Variants in PAXBP1 observed in about 807,000 individuals in gnomAD.
The protein encoded by PAXBP1 is PAX3 and PAX7 binding protein 1, also known as PAX3- and PAX7-binding protein 1.
PAXBP1 carries 44 observed loss-of-function variants against 119.9 expected under a neutral mutation model. The ratio of observed to expected loss-of-function variants is 0.37; its 90% CI spans 0.29 to 0.47. The LOEUF is 0.47. Among genes scored for constraint, PAXBP1 ranks in the 20% least tolerant of loss-of-function variants. The probability of loss-of-function intolerance (pLI) is 0.99; values close to 1 mark genes in which losing one functional copy is unlikely to be tolerated. For missense variants in PAXBP1, 898 were observed against 1,134.1 expected, an observed-to-expected ratio of 0.79 and a Z score of 2.99; for synonymous variants, 393 against 406.6, an observed-to-expected ratio of 0.97 and a Z score of 0.40.
intron 15 of PAXBP1, among the ~76,000 whole-genome samples, chr21:32,738,550 G>A (rs1054968250): frequency 1.3e-5 from 2 of 152,076 alleles, no homozygotes; most frequent in Non-Finnish European, 2.9e-5. Context: ...CTACAGCACT[G>A]GTCAGCACAG....
chr21:32,759,541 T>G, intron 6 of PAXBP1: 1 of 603,246 alleles, frequency 1.7e-6, no homozygotes, highest in Non-Finnish European at 2.9e-6. Context: ...AGGTACAAAC[T>G]CAGAAATGTC....
Position 32,748,523 on chromosome 21 carries a change from C to G in PAXBP1, c.1899G>C (p.Gln633His), listed in dbSNP as rs770705034. Residue 633 changes from glutamine to histidine, a missense_variant, in exon 11 of 18, where the codon CAG (glutamine) becomes CAC (histidine). Physicochemically the swap from Gln to His is conservative, Grantham distance 24. Coordinates refer to ENST00000331923, the MANE Select transcript of PAXBP1 (RefSeq NM_016631.4). ...CCTCAAGAGGAGTCCAAGTGAGGAG[C>G]TGAAGTCGTATGAGGGGGTTGAATA... is the stretch of plus-strand genomic sequence containing the variant. Reference protein sequence around the residue: ...PKLFNPLIRLQLLTWTPLEAK... With the variant: ...PKLFNPLIRLHLLTWTPLEAK... 4.2e-5 allele frequency: 67 copies of G among 1,613,726 alleles called. No homozygotes were observed. Among genetic ancestry groups the G allele is most frequent in the Non-Finnish European group, 4.5e-5 (53 of 1,179,858 alleles).
intron 2 of PAXBP1, among the ~76,000 whole-genome samples, chr21:32,769,270 G>A (rs1413322472): frequency 6.6e-6 from 1 of 151,960 alleles, no homozygotes; most frequent in Non-Finnish European, 1.5e-5. Context: ...TTAAACTGAG[G>A]TTTTGAGAGA....
rs1434561975 is a variant in PAXBP1 at position 32,737,411 on chromosome 21, G to A, written c.2482-3C>T. 1.3e-6 allele frequency: 2 copies of A among 1,592,336 alleles called. No homozygotes were observed. Among genetic ancestry groups the A allele is most frequent in the African/African-American group, 2.7e-5 (2 of 73,488 alleles). ...TGTTTGGGGAAACAATTGATTACCT[G>A]TGGAGAAGAAAGACGTAAAATAAAA... On this transcript the variant is annotated splice_polypyrimidine_tract_variant and splice_region_variant and intron_variant, in intron 16 of 17. Coordinates refer to ENST00000331923, the MANE Select transcript of PAXBP1 (RefSeq NM_016631.4).
chr21:32,757,202 TTATAG>T (rs897714547), intron 7 of PAXBP1, among the ~76,000 whole-genome samples: 4 of 152,180 alleles, frequency 2.6e-5, no homozygotes, highest in African/African-American at 9.6e-5. Context: ...TGAAATATTA[TTATAG>T]TATAATTATT....
intron 4 of PAXBP1, 63 bp downstream of exon 4, chr21:32,762,033 C>A: frequency 1.3e-6 from 2 of 1,552,620 alleles, no homozygotes; most frequent in South Asian, 1.1e-5. Context: ...GAATGACACC[C>A]TGCCTTAAAA....
intron 16 of PAXBP1, 77 bp downstream of exon 16, chr21:32,738,096 A>T: frequency 7.2e-7 from 1 of 1,381,736 alleles, no homozygotes. Flanking sequence ...AAATTCTCAA[A>T]TCCCTCTTCA....
intron 13 of PAXBP1, 73 bp downstream of exon 13, chr21:32,744,719 C>T (rs2043846770): frequency 2.1e-6 from 3 of 1,418,078 alleles, no homozygotes; most frequent in Non-Finnish European, 2.8e-6. Context: ...GATAACCACT[C>T]ATTCTCTCAA....
intron 2 of PAXBP1, among the ~76,000 whole-genome samples, chr21:32,765,929 G>GT (rs1395315554): frequency 1.3e-5 from 2 of 152,254 alleles, no homozygotes; most frequent in East Asian, 3.9e-4. Context: ...GAGATCAGGA[G>GT]TTCAAGACCA....
Position 32,759,235 on chromosome 21 carries a change from G to T in PAXBP1, c.1228C>A (p.Arg410=). ...DSMKELHKTN[R]QQHEKHLQSR... ...TGCAGATGTTTCTCATGCTGCTGTC[G>T]ATTTGTTTTGTGCAATTCTTTCATG... Residue 410 remains arginine (R), a synonymous_variant, in exon 7 of 18, where the codon CGA becomes AGA. Transcript: ENST00000331923. 6.2e-7 allele frequency: 1 copy of T among 1,613,824 alleles called. No individual in the cohort carries two copies. The highest frequency in any genetic ancestry group is 8.5e-7 in the Non-Finnish European group (1 of 1,179,874).
rs2044161947 is a variant in PAXBP1 at position 32,762,233 on chromosome 21, T to A, written c.734A>T (p.Asp245Val). Residue 245 changes from aspartate (D) to valine (V), a missense_variant, in exon 4 of 18, where the codon GAT becomes GTT. Asp to Val is a radical substitution (Grantham distance 152, BLOSUM62 -3). Coordinates refer to ENST00000331923, the MANE Select transcript of PAXBP1 (RefSeq NM_016631.4). Reference sequence around the variant, plus strand: ...AAGGCGGCCTTTACCAGGCTCATTATCATGAGGAGTGAAATCTCCCAATTC... The same window carrying A: ...AAGGCGGCCTTTACCAGGCTCATTAACATGAGGAGTGAAATCTCCCAATTC... ...ARELGDFTPH[D>V]NEPGKGRLVR... 3 of 1,614,188 alleles carry A rather than the reference T, an allele frequency of 1.9e-6. No homozygotes were observed. The highest frequency in any genetic ancestry group is 2.5e-6 in the Non-Finnish European group (3 of 1,180,028).
intron 10 of PAXBP1, among the ~76,000 whole-genome samples, chr21:32,749,243 G>A (rs558883435): frequency 1.3e-5 from 2 of 151,226 alleles, no homozygotes; most frequent in African/African-American, 4.9e-5. Flanking sequence ...CACCCAGGCT[G>A]GAGTGAAGTG....
intron 3 of PAXBP1, 85 bp from the exon 4 acceptor site, chr21:32,762,402 G>A: frequency 1.3e-6 from 2 of 1,487,010 alleles, no homozygotes; most frequent in Admixed American, 2.3e-5. Context: ...AATAATCCAA[G>A]ATAGCCTCAT....
chr21:32,765,968 C>T (rs1357889427), intron 2 of PAXBP1, among the ~76,000 whole-genome samples: 1 of 152,130 alleles, frequency 6.6e-6, no homozygotes, highest in Non-Finnish European at 1.5e-5. Flanking sequence ...GACCCTGTCT[C>T]TACTAAACAT....
chr21:32,758,352 C>T (rs1283362040), intron 7 of PAXBP1, among the ~76,000 whole-genome samples: 1 of 150,528 alleles, frequency 6.6e-6, no homozygotes, highest in Non-Finnish European at 1.5e-5. Context: ...GCTGCAAAGT[C>T]CACAAATGCT....
intron 5 of PAXBP1, 73 bp downstream of exon 5, chr21:32,760,986 A>T (rs1039371827): frequency 6.4e-6 from 8 of 1,240,978 alleles, no homozygotes; most frequent in Non-Finnish European, 9.2e-6. Flanking sequence ...TCAATACGGA[A>T]TTTTTTACTT....
intron 4 of PAXBP1, 25 bp from the exon 5 acceptor site, chr21:32,761,187 A>T: frequency 1.3e-6 from 2 of 1,567,560 alleles, no homozygotes; most frequent in South Asian, 2.2e-5. Flanking sequence ...AACAAAGAAA[A>T]GTAAGTAACA....
intron 10 of PAXBP1, 104 bp from the exon 11 acceptor site, chr21:32,748,802 T>TA (rs1242267521): frequency 1.0e-6 from 1 of 980,834 alleles, no homozygotes; most frequent in African/African-American, 1.6e-5. Flanking sequence ...TATCAGAAGA[T>TA]ACGCTCATTA....
chr21:32,758,605 A>AT (rs1314435160), intron 7 of PAXBP1, among the ~76,000 whole-genome samples: 1 of 151,128 alleles, frequency 6.6e-6, no homozygotes, highest in African/African-American at 2.4e-5. Context: ...GCTTACTTAG[A>AT]TAAAAACTAT....
Sources: allele counts gnomAD v4.1 joint callset (sites outside exome capture counted in the v4.1 genomes callset), GRCh38; gene constraint gnomAD v4.1.1; transcripts MANE v1.5; gene names NCBI Gene and HGNC (gene_info 2026-07-23, HGNC 2026-07-21).